The following UFD1 variants were observed in gnomAD, a reference collection of about 807,000 sequenced individuals.
The protein encoded by UFD1 is ubiquitin recognition factor in ER-associated degradation protein 1.
A neutral mutation model predicts 45.9 loss-of-function variants in UFD1; 13 were observed. The ratio of observed to expected loss-of-function variants is 0.28; its 90% CI spans 0.18 to 0.45. UFD1 has a LOEUF of 0.45. Among genes scored for constraint, UFD1 ranks in the 20% least tolerant of loss-of-function variants. The probability of loss-of-function intolerance (pLI) is 1.00; values close to 1 mark genes in which losing one functional copy is unlikely to be tolerated. For synonymous variants in UFD1, 128 were observed against 139.2 expected, an observed-to-expected ratio of 0.92 and a Z score of 0.56; for missense variants, 218 against 389.2, an observed-to-expected ratio of 0.56 and a Z score of 3.70.
At chr22:19,474,649 G>A (rs766865345) in intron 3 of UFD1, among the ~76,000 whole-genome samples, 10 of 152,182 alleles carry the variant, frequency 6.6e-5, no homozygotes, top group Non-Finnish European at 1.0e-4. Context: ...GCGCCCTCTT[G>A]TGAGCTGACC....
intron 5 of UFD1, 34 bp from the exon 6 acceptor site, chr22:19,465,308 G>A (rs1355015172): frequency 6.3e-7 from 1 of 1,577,926 alleles, no homozygotes; most frequent in East Asian, 2.2e-5. Context: ...AACATGGCAA[G>A]ATGGATACCT....
intron 9 of UFD1, among the ~76,000 whole-genome samples, chr22:19,456,345 C>T (rs11089275): frequency 3.3e-5 from 5 of 152,140 alleles, no homozygotes; most frequent in South Asian, 2.1e-4. Context: ...TTAAACTCTT[C>T]GGTAGGTTAG....
intron 1 of UFD1, among the ~76,000 whole-genome samples, chr22:19,476,593 C>T (rs1338895306): frequency 8.2e-6 from 1 of 121,320 alleles, no homozygotes; most frequent in Non-Finnish European, 1.6e-5. Flanking sequence ...CCCATATCCA[C>T]AGGGGATACA....
chr22:19,460,640 AC>A (rs77362076), intron 6 of UFD1, among the ~76,000 whole-genome samples: 5,169 of 152,214 alleles, frequency 0.034, 154 homozygotes, highest in East Asian at 0.11. Flanking sequence ...GCTCACCAAG[AC>A]AAGTACTGGT....
intron 3 of UFD1, among the ~76,000 whole-genome samples, chr22:19,472,728 T>A (rs2089855320): frequency 6.6e-6 from 1 of 152,164 alleles, no homozygotes; most frequent in Non-Finnish European, 1.5e-5. Context: ...GGTACTATCA[T>A]TATCCCCTTT....
chr22:19,463,530 T>G (rs977619062), intron 6 of UFD1, among the ~76,000 whole-genome samples: 6 of 152,270 alleles, frequency 3.9e-5, no homozygotes, highest in Non-Finnish European at 8.8e-5. Context: ...ATGTGTTCTT[T>G]GCTTGTTCAA....
At chr22:19,464,971 CTAA>C (rs892186472) in intron 6 of UFD1, among the ~76,000 whole-genome samples, 1 of 152,228 alleles carries the variant, frequency 6.6e-6, no homozygotes, top group Non-Finnish European at 1.5e-5. Flanking sequence ...AGAGGTATGA[CTAA>C]TAAGTCTATC....
chr22:19,455,792 T>C lies in UFD1; in HGVS notation c.679-24A>G, dbSNP rs1601887363. On this transcript the variant is annotated intron_variant, in intron 9 of 11. Coordinates refer to ENST00000263202, the MANE Select transcript of UFD1 (RefSeq NM_005659.7). ...GCCTAGACAGGAAGTAGGTGAGTCATATAATAAGCCCAAGTGTGAGGACGA... is the reference window on the plus strand; with the variant it reads ...GCCTAGACAGGAAGTAGGTGAGTCACATAATAAGCCCAAGTGTGAGGACGA... 2.5e-6 allele frequency: 4 copies of C among 1,608,490 alleles called. No individual in the cohort carries two copies. The South Asian group carries it at 3.3e-5, about 13-fold the overall frequency.
At chr22:19,452,078 G>C in intron 11 of UFD1, 1 of 414,760 alleles carries the variant, frequency 2.4e-6, no homozygotes, top group Non-Finnish European at 3.2e-6. Flanking sequence ...AGGCTGGTTG[G>C]TATGTTAGTC....
intron 1 of UFD1, among the ~76,000 whole-genome samples, chr22:19,476,937 G>A (rs1027547399): frequency 6.8e-6 from 1 of 148,126 alleles, no homozygotes; most frequent in African/African-American, 2.5e-5. Context: ...AACCCAGGAG[G>A]TGGAAGTTGC....
intron 6 of UFD1, among the ~76,000 whole-genome samples, chr22:19,464,529 G>A (rs1370562567): frequency 6.6e-6 from 1 of 152,240 alleles, no homozygotes. Flanking sequence ...TTTGGACTAA[G>A]TCCTGTCATT....
At chr22:19,471,961 G>A (rs560129243) in intron 3 of UFD1, among the ~76,000 whole-genome samples, 153 bp from the exon 4 acceptor site, 50 of 152,288 alleles carry the variant, frequency 3.3e-4, no homozygotes, top group African/African-American at 1.1e-3. Context: ...CACAGTGCAC[G>A]GCTCAAGGAG....
At chr22:19,453,421 C>T (rs2089698334) in intron 11 of UFD1, 3 of 985,390 alleles carry the variant, frequency 3.0e-6, no homozygotes, top group Middle Eastern at 5.2e-4. Context: ...TTCTTAAATA[C>T]ATATTTATGG....
intron 6 of UFD1, among the ~76,000 whole-genome samples, chr22:19,464,939 C>G (rs1251095407): frequency 6.6e-6 from 1 of 152,238 alleles, no homozygotes; most frequent in Non-Finnish European, 1.5e-5. Flanking sequence ...ACAGAACCAG[C>G]AGCCTTGCCA....
chr22:19,466,244 G>A (rs1415604163), intron 5 of UFD1: 2 of 152,286 alleles, frequency 1.3e-5, no homozygotes, highest in African/African-American at 4.8e-5. Flanking sequence ...ACCCTGCCAG[G>A]GCATCTTCTC....
Position 19,467,956 on chromosome 22 carries a change from C to G in UFD1, c.339G>C (p.Glu113Asp). ...AGGTGGCCACTTGAAGGTTGACGCT[C>G]TCCACCTGGACCAGGCCGCCTTCTT... The part of the protein sequence containing the change: ...LLEEGGLVQV[E>D]SVNLQVATYS... Residue 113 changes from glutamate (E) to aspartate (D), a missense_variant, in exon 5 of 12, where the codon GAG (glutamate) becomes GAC (aspartate). Around this residue, in one of 2 missense-constraint regions of UFD1, gnomAD observed 149 missense variants for 307.5 expected, o/e 0.48. Coordinates refer to ENST00000263202, the MANE Select transcript of UFD1 (RefSeq NM_005659.7). The G allele has an allele frequency of 6.2e-7, 1 of 1,614,198 alleles. No homozygotes were observed. The highest frequency in any genetic ancestry group is 8.5e-7 in the Non-Finnish European group (1 of 1,180,042).
At position 19,479,181 on chromosome 22, in the gene UFD1, G is replaced by A; in HGVS notation, c.-96C>T. ...CAGCCGCCGCTGCCGCTGCCGCCGC[G>A]CCAAGCCGGTACGCCCCAGAGGCTC... On this transcript the variant is annotated 5_prime_UTR_variant, in exon 1 of 12. Transcript: ENST00000263202. 1.9e-6 allele frequency: 3 copies of A among 1,575,340 alleles called. No homozygotes were observed. The highest frequency in any genetic ancestry group is 1.2e-5 in the South Asian group (1 of 86,672).
intron 4 of UFD1, 34 bp from the exon 5 acceptor site, chr22:19,468,037 G>A: frequency 6.2e-7 from 1 of 1,611,838 alleles, no homozygotes; most frequent in Non-Finnish European, 8.5e-7. Flanking sequence ...GAGACTCCTA[G>A]AGATGAAGCA....
intron 11 of UFD1, 88 bp from the exon 12 acceptor site, chr22:19,450,832 A>G (rs1319216983): frequency 1.9e-6 from 3 of 1,599,478 alleles, no homozygotes; most frequent in Non-Finnish European, 2.6e-6. Context: ...TACCATCCAC[A>G]TTACTCATAA....
Sources: allele counts gnomAD v4.1 joint callset (sites outside exome capture counted in the v4.1 genomes callset), GRCh38; gene constraint gnomAD v4.1.1; regional missense constraint gnomAD v4.1.1; transcripts MANE v1.5; gene names NCBI Gene and HGNC (gene_info 2026-07-23, HGNC 2026-07-21).